MGAM: variants seen among roughly 807,000 people sequenced by gnomAD.
MGAM encodes alpha-1,4-glucosidase.
A neutral mutation model predicts 358.8 loss-of-function variants in MGAM; 253 were observed. The ratio of observed to expected loss-of-function variants is 0.71; its 90% CI spans 0.64 to 0.78. The LOEUF (loss-of-function observed/expected upper bound fraction) is 0.78. Ranked by LOEUF, MGAM falls within the 30% of genes least tolerant of loss-of-function variation. The pLI is 0.00. For missense variants in MGAM, 3,080 were observed against 3,432.6 expected, an observed-to-expected ratio of 0.90 and a Z score of 2.57; for synonymous variants, 1,105 against 1,227.1, an observed-to-expected ratio of 0.90 and a Z score of 2.08.
At position 142,040,842 on chromosome 7, in the gene MGAM, G is replaced by C. The variant is rs762268083; in HGVS notation, c.2494G>C (p.Ala832Pro). 1.2e-6 allele frequency: 2 copies of C among 1,609,768 alleles called. No individual in the cohort carries two copies. Among genetic ancestry groups the C allele is most frequent in the Admixed American group, 3.4e-5 (2 of 59,328 alleles). Residue 832 changes from alanine (A) to proline (P), a missense_variant, in exon 21 of 71, where the codon GCC becomes CCC. By Grantham distance (27) the Ala-to-Pro change is conservative. Around this residue, in one of 5 missense-constraint regions of MGAM, gnomAD observed 1,816 missense variants for 1,840.5 expected, o/e 0.99. Coordinates refer to ENST00000475668, the MANE Select transcript of MGAM (RefSeq NM_001365693.1). ...ACAGCAGCCAAATACAACCACTCTGGCCAGGTATAGCATGGCTGGAGTGTC... is the reference window on the plus strand; with the variant it reads ...ACAGCAGCCAAATACAACCACTCTGCCCAGGTATAGCATGGCTGGAGTGTC... Reference protein sequence around the residue: ...PTQQPNTTTLASRKNPLGLII... With the variant: ...PTQQPNTTTLPSRKNPLGLII...
rs1815481793 is a variant in MGAM, at chr7:142,092,460, C to G, written c.6946-61C>G. 6 of 1,403,826 alleles carry G rather than the reference C, an allele frequency of 4.3e-6. 1 individual carries two copies. Among genetic ancestry groups the G allele is most frequent in the African/African-American group, 1.4e-5 (1 of 72,922 alleles). The allele number at this position is 1,403,826 out of a possible 1,614,324, so 87.0% of individuals were successfully genotyped here. A position where few individuals can be genotyped will look rare whatever the true frequency, so the allele number is the denominator to read the frequency against. On this transcript the variant is annotated intron_variant, in intron 58 of 70. Coordinates refer to ENST00000475668, the MANE Select transcript of MGAM (RefSeq NM_001365693.1). ...CAATGTATTCACTGCTTCCTTGGCT[C>G]AGAATTGGCAGGACGTAATTATCTT...
At chr7:142,098,599 C>T (rs1312491481) in intron 66 of MGAM, among the ~76,000 whole-genome samples, 11 of 152,128 alleles carry the variant, frequency 7.2e-5, no homozygotes, top group Admixed American at 7.2e-4. Flanking sequence ...TCTCCACAGC[C>T]CCAGACTCCT....
At chr7:142,050,544 ATGT>A (rs1257644530) in intron 23 of MGAM, among the ~76,000 whole-genome samples, 150 bp from the exon 24 acceptor site, 5 of 152,300 alleles carry the variant, frequency 3.3e-5, no homozygotes, top group African/African-American at 9.6e-5. Flanking sequence ...TATCCAAATA[ATGT>A]TGTACTTCTT....
At chr7:142,098,361 A>T (rs10215397) in intron 66 of MGAM, among the ~76,000 whole-genome samples, 87,000 of 151,728 alleles carry the variant, frequency 0.57, 26,655 homozygotes, top group South Asian at 0.71. Context: ...ATTCTTGGGG[A>T]AGAATCAAAG....
intron 34 of MGAM, among the ~76,000 whole-genome samples, 196 bp downstream of exon 34, chr7:142,060,569 T>C (rs1585034470): frequency 2.0e-5 from 3 of 152,244 alleles, no homozygotes; most frequent in Admixed American, 6.5e-5. Flanking sequence ...GGGATGTAGA[T>C]ATGTATTATT....
intron 24 of MGAM, among the ~76,000 whole-genome samples, chr7:142,051,368 T>C (rs1211115111): frequency 6.6e-6 from 1 of 151,496 alleles, no homozygotes; most frequent in Non-Finnish European, 1.5e-5. Context: ...GGAGTGGGAG[T>C]GGGGGCTGGG....
At chr7:142,034,089 T>A (rs1807751581) in intron 14 of MGAM, among the ~76,000 whole-genome samples, 173 bp from the exon 15 acceptor site, 3 of 152,202 alleles carry the variant, frequency 2.0e-5, no homozygotes. Flanking sequence ...CATTTATATA[T>A]CAGAGAAACT....
chr7:142,064,829 G>T (rs1385076892), intron 37 of MGAM, among the ~76,000 whole-genome samples: 1 of 152,122 alleles, frequency 6.6e-6, no homozygotes, highest in Non-Finnish European at 1.5e-5. Context: ...AATAGCTTTA[G>T]TTACAGGAGG....
chr7:142,036,522 A>G (rs181803918), intron 17 of MGAM, among the ~76,000 whole-genome samples: 31 of 152,314 alleles, frequency 2.0e-4, no homozygotes, highest in African/African-American at 6.7e-4. Flanking sequence ...AAGGTCTTTC[A>G]TCAAACTTCT....
intron 24 of MGAM, among the ~76,000 whole-genome samples, chr7:142,051,905 C>T (rs1585014390): frequency 6.6e-6 from 1 of 152,094 alleles, no homozygotes; most frequent in African/African-American, 2.4e-5. Context: ...CTCTTTCTAC[C>T]ACTCCACGCC....
intron 24 of MGAM, among the ~76,000 whole-genome samples, chr7:142,051,348 A>AG (rs1314123581): frequency 7.9e-5 from 12 of 152,000 alleles, no homozygotes; most frequent in African/African-American, 2.9e-4. Flanking sequence ...ACTGTGTGTG[A>AG]GCATTGTTGG....
At chr7:142,069,228 A>G (rs1813119863) in intron 43 of MGAM, among the ~76,000 whole-genome samples, 1 of 146,102 alleles carries the variant, frequency 6.8e-6, no homozygotes, top group South Asian at 2.2e-4. Context: ...ACACAGAGGT[A>G]TGGGACCCAA....
rs191343972 is a variant in MGAM at position 142,093,611 on chromosome 7, T to C, written c.7172+61T>C. 1.7e-5 allele frequency: 24 copies of C among 1,425,178 alleles called. 1 individual carries two copies. In the African/African-American group the frequency reaches 2.4e-4, roughly 14 times the overall value. The allele number at this position is 1,425,178 out of a possible 1,614,324, so 88.3% of individuals were successfully genotyped here. On this transcript the variant is annotated intron_variant, in intron 60 of 70. Coordinates refer to ENST00000475668, the MANE Select transcript of MGAM (RefSeq NM_001365693.1). ...CTGTAGGGATTGCCAGTGACTGACATAGCTACCCTACTTTTCTTTTCATTC... is the reference window on the plus strand; with the variant it reads ...CTGTAGGGATTGCCAGTGACTGACACAGCTACCCTACTTTTCTTTTCATTC...
chr7:142,102,615 G>C lies in MGAM; in HGVS notation c.7964-15G>C, dbSNP rs766927065. The C allele has an allele frequency of 6.2e-7, 1 of 1,612,086 alleles. No homozygotes were observed. Among genetic ancestry groups the C allele is most frequent in the Non-Finnish European group, 8.5e-7 (1 of 1,178,832 alleles). On this transcript the variant is annotated splice_polypyrimidine_tract_variant and intron_variant, in intron 68 of 70. Coordinates refer to ENST00000475668, the MANE Select transcript of MGAM (RefSeq NM_001365693.1). ...CACAGGTCCAGGCCATGTTTATCTT[G>C]TTTTTTGTTTGCAGATACCTATGGG... is the stretch of plus-strand genomic sequence containing the variant.
intron 24 of MGAM, among the ~76,000 whole-genome samples, 156 bp from the exon 25 acceptor site, chr7:142,052,138 G>A (rs1811036769): frequency 6.6e-6 from 1 of 152,062 alleles, no homozygotes; most frequent in African/African-American, 2.4e-5. Context: ...TTCTCCCAAT[G>A]TGCAGTTCTC....
chr7:142,013,348 A>T (rs1447573946), intron 3 of MGAM, among the ~76,000 whole-genome samples: 2 of 152,160 alleles, frequency 1.3e-5, no homozygotes, highest in African/African-American at 4.8e-5. Flanking sequence ...GACTCACTCA[A>T]GCTGACTCTG....
intron 2 of MGAM, among the ~76,000 whole-genome samples, chr7:141,987,713 T>C (rs1162051343): frequency 6.6e-6 from 1 of 152,182 alleles, no homozygotes; most frequent in African/African-American, 2.4e-5. Context: ...TTGGAGGGAT[T>C]CCCGTTTGGG....
intron 70 of MGAM, among the ~76,000 whole-genome samples, chr7:142,105,567 C>T (rs550759515): frequency 2.6e-5 from 4 of 152,188 alleles, no homozygotes; most frequent in African/African-American, 4.8e-5. Context: ...GGATTACCGG[C>T]GTGAGCCACC....
chr7:142,069,624 CCTTCT>C (rs1170149492), intron 43 of MGAM, among the ~76,000 whole-genome samples: 1 of 145,386 alleles, frequency 6.9e-6, no homozygotes, highest in African/African-American at 2.4e-5. Flanking sequence ...CAATTTTGTT[CCTTCT>C]CTTCTCAGTC....
Sources: gnomAD v4.1 joint callset for allele counts (sites outside exome capture counted in the v4.1 genomes callset) on GRCh38, gnomAD v4.1.1 for gene constraint, gnomAD v4.1.1 regional missense constraint, MANE v1.5 for transcripts, NCBI Gene and HGNC (gene_info 2026-07-23, HGNC 2026-07-21) for gene names.